Variants in DRAM1 observed in about 807,000 individuals in gnomAD.
DRAM1 encodes DNA damage regulated autophagy modulator 1, also known as DNA damage-regulated autophagy modulator protein 1.
DRAM1 carries 25 observed loss-of-function variants against 28.5 expected under a neutral mutation model. That is an observed-to-expected ratio of 0.88 (90% CI 0.64 to 1.23). DRAM1 has a LOEUF of 1.23. Among genes scored for constraint, DRAM1 ranks in the 50% most tolerant of loss-of-function variants. DRAM1 has a pLI of 0.00. For missense variants in DRAM1, 249 were observed against 299.2 expected, an observed-to-expected ratio of 0.83 and a Z score of 1.24; for synonymous variants, 113 against 114.2, an observed-to-expected ratio of 0.99 and a Z score of 0.07.
At chr12:101,909,377 GTC>G (rs1594308424) in intron 4 of DRAM1, among the ~76,000 whole-genome samples, 1 of 152,122 alleles carries the variant, frequency 6.6e-6, no homozygotes, top group South Asian at 2.1e-4. Flanking sequence ...GAACACTTTA[GTC>G]TCTGTTTACT....
chr12:101,909,767 C>T (rs1233374372), intron 4 of DRAM1, among the ~76,000 whole-genome samples: 1 of 152,096 alleles, frequency 6.6e-6, no homozygotes, highest in Non-Finnish European at 1.5e-5. Flanking sequence ...GAAACGAAAG[C>T]TTTTTCTTTC....
chr12:101,907,742 AAAC>A (rs776870230), intron 3 of DRAM1, among the ~76,000 whole-genome samples: 12 of 152,314 alleles, frequency 7.9e-5, no homozygotes, highest in African/African-American at 1.2e-4. Flanking sequence ...TCTGTCTCAA[AAAC>A]AACAACAACA....
chr12:101,919,244 T>C (rs1874376407), intron 5 of DRAM1, among the ~76,000 whole-genome samples: 1 of 151,488 alleles, frequency 6.6e-6, no homozygotes, highest in African/African-American at 2.4e-5. Flanking sequence ...TCAGGAGATA[T>C]CACACACAGA....
At chr12:101,910,479 G>GTT (rs772877223) in intron 4 of DRAM1, among the ~76,000 whole-genome samples, 7,191 of 139,186 alleles carry the variant, frequency 0.052, 487 homozygotes, top group East Asian at 0.23. Context: ...TTTCTAGAAA[G>GTT]TTTTTTTTTT....
At chr12:101,895,204 T>TTG in intron 1 of DRAM1, among the ~76,000 whole-genome samples, 1 of 137,954 alleles carries the variant, frequency 7.2e-6, no homozygotes, top group Non-Finnish European at 1.5e-5. Flanking sequence ...TTTTTTTTTT[T>TTG]TTTTTTTTTT....
At chr12:101,880,039 T>TTTTGTTTG (rs556517963) in intron 1 of DRAM1, among the ~76,000 whole-genome samples, 1 of 151,506 alleles carries the variant, frequency 6.6e-6, no homozygotes, top group African/African-American at 2.4e-5. Flanking sequence ...GTGCTGCTTC[T>TTTTGTTTG]TTTGTTTGTT....
chr12:101,915,404 C>T (rs1486722987), intron 5 of DRAM1, among the ~76,000 whole-genome samples: 1 of 152,158 alleles, frequency 6.6e-6, no homozygotes, highest in African/African-American at 2.4e-5. Context: ...ATGATACCAG[C>T]TCCAGTGTGG....
chr12:101,894,165 T>A (rs1023322900), intron 1 of DRAM1, among the ~76,000 whole-genome samples: 4 of 152,190 alleles, frequency 2.6e-5, no homozygotes, highest in African/African-American at 9.7e-5. Context: ...TTGCCTAGGC[T>A]GGAGTGCAAT....
At chr12:101,900,325 A>G (rs1004608271) in intron 2 of DRAM1, among the ~76,000 whole-genome samples, 1 of 152,242 alleles carries the variant, frequency 6.6e-6, no homozygotes, top group Non-Finnish European at 1.5e-5. Context: ...CACAAAACGC[A>G]GAAGAATTGA....
chr12:101,917,730 C>T lies in DRAM1; in HGVS notation c.580-2379C>T, dbSNP rs138616710. 1.9e-3 allele frequency among the ~76,000 whole-genome samples: 280 copies of T among 151,252 alleles called. 2 individuals are homozygous for T. The highest frequency in any genetic ancestry group is 6.5e-3 in the African/African-American group (268 of 41,054). On this transcript the variant is annotated intron_variant, in intron 5 of 6. Coordinates refer to ENST00000258534, the MANE Select transcript of DRAM1 (RefSeq NM_018370.3). ...AAAAAAGCCTTCTTTAAAATCTAAC[C>T]TTAAAATGGTCAAATTCGTCAATAG...
rs751751554 is a variant in DRAM1 at position 101,906,854 on chromosome 12, C to CAAAAAA, written c.343-1318_343-1313dup. On this transcript the variant is annotated intron_variant, in intron 3 of 6. Transcript: ENST00000258534. ...TGGGTGACAGAGCAAGACTCTGCCT[C>CAAAAAA]AAAAAAAAAAAAAAAAAAAGAAAAG... Among the ~76,000 whole-genome samples, 140 of 67,352 alleles carry CAAAAAA rather than the reference C, an allele frequency of 2.1e-3. 1 individual carries two copies. The highest frequency in any genetic ancestry group is 2.5e-3 in the African/African-American group (50 of 19,932). 44.2% of individuals were successfully genotyped at this position (67,352 alleles called of 152,430 possible).
intron 4 of DRAM1, 115 bp downstream of exon 4, chr12:101,908,478 C>G (rs145300358): frequency 9.1e-7 from 1 of 1,094,184 alleles, no homozygotes; most frequent in East Asian, 2.4e-5. Context: ...GACAGCAGGG[C>G]GGAGAGATTG....
chr12:101,880,954 G>A (rs563366977), intron 1 of DRAM1, among the ~76,000 whole-genome samples: 9 of 152,292 alleles, frequency 5.9e-5, no homozygotes, highest in African/African-American at 2.2e-4. Context: ...TGTACTGATT[G>A]CCCATGTGTG....
intron 1 of DRAM1, among the ~76,000 whole-genome samples, chr12:101,887,788 C>A (rs1219720024): frequency 1.3e-5 from 2 of 152,146 alleles, no homozygotes; most frequent in East Asian, 3.9e-4. Context: ...ATCTGCCTGC[C>A]TTGGCCTCCC....
chr12:101,896,286 A>G (rs1032941007), intron 1 of DRAM1, among the ~76,000 whole-genome samples: 8 of 152,242 alleles, frequency 5.3e-5, no homozygotes, highest in African/African-American at 1.7e-4. Context: ...GAATTCTTCA[A>G]ACACTTACAA....
intron 3 of DRAM1, among the ~76,000 whole-genome samples, chr12:101,902,363 G>A (rs563479905): frequency 3.3e-5 from 5 of 152,224 alleles, no homozygotes; most frequent in African/African-American, 1.2e-4. Flanking sequence ...TGGCAGAGGC[G>A]AGCTTTGAAT....
At chr12:101,919,887 T>G (rs1181177714) in intron 5 of DRAM1, 2 of 370,236 alleles carry the variant, frequency 5.4e-6, no homozygotes, top group African/African-American at 4.2e-5. Context: ...AACAAGAGTT[T>G]GTGCGAGCCA....
chr12:101,895,524 T>C (rs1173200629), intron 1 of DRAM1, among the ~76,000 whole-genome samples: 7 of 151,118 alleles, frequency 4.6e-5, no homozygotes, highest in Non-Finnish European at 1.0e-4. Flanking sequence ...GACATTGAAA[T>C]TGAATTAATT....
Position 101,882,786 on chromosome 12 carries a change from A to G in DRAM1, c.131+4866A>G, listed in dbSNP as rs150192949. Among the ~76,000 whole-genome samples the G allele has an allele frequency of 1.4e-3, 208 of 148,546 alleles. 2 individuals are homozygous for G. The highest frequency in any genetic ancestry group is 4.7e-3 in the African/African-American group (191 of 40,752). ...CCATGGTGGGACTTGGGCAATATCT[A>G]TGGAAATGACAGATACACACACACC... is the stretch of plus-strand genomic sequence containing the variant. On this transcript the variant is annotated intron_variant, in intron 1 of 6. Coordinates refer to ENST00000258534, the MANE Select transcript of DRAM1 (RefSeq NM_018370.3).
Sources: gnomAD v4.1 joint callset for allele counts (sites outside exome capture counted in the v4.1 genomes callset) on GRCh38, gnomAD v4.1.1 for gene constraint, MANE v1.5 for transcripts, NCBI Gene and HGNC (gene_info 2026-07-23, HGNC 2026-07-21) for gene names.